Variants in PCDHA1 observed in about 807,000 individuals in gnomAD.
PCDHA1 encodes protocadherin alpha-1.
Under a neutral mutation model 61.3 loss-of-function variants are expected in PCDHA1, and 42 were observed. The observed-to-expected ratio is 0.69, with a 90% confidence interval of 0.54 to 0.89. The LOEUF is 0.89. Among genes scored for constraint, PCDHA1 ranks in the 40% least tolerant of loss-of-function variants. The pLI is 0.00. For missense variants in PCDHA1, 1,256 were observed against 1,235.3 expected, an observed-to-expected ratio of 1.02 and a Z score of -0.25; for synonymous variants, 610 against 553.8, an observed-to-expected ratio of 1.10 and a Z score of -1.43.
At chr5:140,857,325 C>G (rs200630375) in intron 1 of PCDHA1, 2 of 1,598,630 alleles carry the variant, frequency 1.3e-6, no homozygotes, top group African/African-American at 1.3e-5. Flanking sequence ...GTGGTGACCG[C>G]GCGGGACGGG....
chr5:140,836,312 G>A, intron 1 of PCDHA1: 1 of 1,613,712 alleles, frequency 6.2e-7, no homozygotes, highest in Non-Finnish European at 8.5e-7. Flanking sequence ...CGGACGCACC[G>A]CGCCACCGCC....
At chr5:140,870,860 C>A (rs782404408) in intron 1 of PCDHA1, 6 of 1,613,882 alleles carry the variant, frequency 3.7e-6, no homozygotes, top group Non-Finnish European at 2.5e-6. Context: ...TCGGTGGGTG[C>A]GGGCCACGTG....
chr5:140,826,616 G>C (rs2150144460), intron 1 of PCDHA1, among the ~76,000 whole-genome samples: 4 of 152,230 alleles, frequency 2.6e-5, no homozygotes, highest in Non-Finnish European at 5.9e-5. Flanking sequence ...GGGCGAAGTT[G>C]ATATTTGGCC....
intron 1 of PCDHA1, chr5:140,829,316 C>T (rs2150165789): frequency 2.5e-6 from 4 of 1,614,262 alleles, no homozygotes; most frequent in Admixed American, 3.3e-5. Flanking sequence ...CTCGTTGGTG[C>T]TGGACAGTGC....
chr5:140,921,631 T>C (rs1435281144), intron 1 of PCDHA1, among the ~76,000 whole-genome samples: 2 of 152,206 alleles, frequency 1.3e-5, no homozygotes, highest in Non-Finnish European at 2.9e-5. Flanking sequence ...ATCATCATTA[T>C]GGTAGCTATT....
At chr5:140,908,165 G>T (rs1422050863) in intron 1 of PCDHA1, among the ~76,000 whole-genome samples, 1 of 152,222 alleles carries the variant, frequency 6.6e-6, no homozygotes, top group African/African-American at 2.4e-5. Context: ...GGGCTGTAGT[G>T]CTGCAGCTGT....
chr5:140,856,155 A>G (rs533990024), intron 1 of PCDHA1: 1 of 1,598,294 alleles, frequency 6.3e-7, no homozygotes, highest in African/African-American at 1.3e-5. Context: ...TCAGTCTACG[A>G]GGAGGCCAGA....
At chr5:140,820,121 A>G (rs937640428) in intron 1 of PCDHA1, among the ~76,000 whole-genome samples, 3 of 151,966 alleles carry the variant, frequency 2.0e-5, no homozygotes, top group African/African-American at 7.2e-5. Flanking sequence ...GTTTTTAACC[A>G]TTGTGTATTA....
At chr5:140,924,901 A>AATAAAATAAAAT (rs145282866) in intron 1 of PCDHA1, among the ~76,000 whole-genome samples, 7 of 80,504 alleles carry the variant, frequency 8.7e-5, no homozygotes, top group Middle Eastern at 6.1e-3. Context: ...TCTCAAAAAA[A>AATAAAATAAAAT]AAAATAAAAT....
intron 1 of PCDHA1, among the ~76,000 whole-genome samples, chr5:140,916,315 A>C (rs1554197391): frequency 3.9e-5 from 6 of 152,204 alleles, no homozygotes; most frequent in Non-Finnish European, 8.8e-5. Context: ...GGTGCAAGAC[A>C]AAGTCCCCTT....
chr5:140,961,192 A>G (rs1322057564), intron 1 of PCDHA1, among the ~76,000 whole-genome samples: 1 of 152,170 alleles, frequency 6.6e-6, no homozygotes, highest in African/African-American at 2.4e-5. Flanking sequence ...ACAGGACCCT[A>G]GTGAGGTTGG....
chr5:140,850,469 G>A lies in PCDHA1; in HGVS notation c.2394+61785G>A, dbSNP rs2150485500. 6.3e-6 allele frequency: 10 copies of A among 1,597,768 alleles called. 2 individuals carry two copies. The highest frequency in any genetic ancestry group is 8.6e-6 in the Non-Finnish European group (10 of 1,167,634). On this transcript the variant is annotated intron_variant, in intron 1 of 3. Transcript: ENST00000504120. Reference sequence around the variant, plus strand: ...TGGTGAAAGACCACGGGGAGCCAGCGCTGACGGCCACGGCCACTGTGCTGG... The same window carrying A: ...TGGTGAAAGACCACGGGGAGCCAGCACTGACGGCCACGGCCACTGTGCTGG...
At chr5:140,790,502 ATGTTCT>A (rs1761588051) in intron 1 of PCDHA1, among the ~76,000 whole-genome samples, 1 of 152,222 alleles carries the variant, frequency 6.6e-6, no homozygotes, top group Non-Finnish European at 1.5e-5. Context: ...GGCTGTAAAC[ATGTTCT>A]GTAACTTTTA....
Position 140,787,922 on chromosome 5 carries a change from T to C in PCDHA1, c.1632T>C (p.Pro544=), listed in dbSNP as rs986658895. The change falls in exon 1 of 4, where the codon CCT becomes CCC. Residue 544 remains proline (P), a synonymous_variant. Transcript: ENST00000504120. ...QVSARDAGVP[P]LGSNVTLQVF... is the part of the protein sequence containing the mutation. ...GCGCGCGGGATGCGGGCGTGCCGCCTCTGGGCAGCAACGTGACGCTGCAGG... is the reference window on the plus strand; with the variant it reads ...GCGCGCGGGATGCGGGCGTGCCGCCCCTGGGCAGCAACGTGACGCTGCAGG... 19 of 1,613,572 alleles carry C rather than the reference T, an allele frequency of 1.2e-5. No homozygotes were observed. Among genetic ancestry groups the C allele is most frequent in the Non-Finnish European group, 1.6e-5 (19 of 1,179,846 alleles).
At chr5:140,865,948 A>T (rs1324483727) in intron 1 of PCDHA1, 1 of 152,186 alleles carries the variant, frequency 6.6e-6, no homozygotes, top group African/African-American at 2.4e-5. Flanking sequence ...GATTGTCTTC[A>T]TCATTAATTT....
chr5:140,922,883 T>G (rs963654982), intron 1 of PCDHA1, among the ~76,000 whole-genome samples: 2 of 152,134 alleles, frequency 1.3e-5, no homozygotes, highest in African/African-American at 2.4e-5. Flanking sequence ...TCCAAAGACA[T>G]CATTCAAGAA....
intron 1 of PCDHA1, among the ~76,000 whole-genome samples, chr5:140,871,977 C>T (rs533366368): frequency 6.6e-6 from 1 of 152,288 alleles, no homozygotes; most frequent in East Asian, 1.9e-4. Flanking sequence ...CTATGATGTC[C>T]AGGTTGGACT....
intron 1 of PCDHA1, chr5:140,876,694 G>A (rs1196941664): frequency 6.2e-7 from 1 of 1,614,142 alleles, no homozygotes; most frequent in African/African-American, 1.3e-5. Flanking sequence ...CTACTCGTTG[G>A]TGCTGGACAG....
At chr5:140,883,410 C>T in intron 1 of PCDHA1, 2 of 1,614,180 alleles carry the variant, frequency 1.2e-6, no homozygotes, top group Non-Finnish European at 1.7e-6. Flanking sequence ...GACTCTGGCT[C>T]AAATGGACAG....
Sources: gnomAD v4.1 joint callset for allele counts (sites outside exome capture counted in the v4.1 genomes callset) on GRCh38, gnomAD v4.1.1 for gene constraint, MANE v1.5 for transcripts, NCBI Gene and HGNC (gene_info 2026-07-23, HGNC 2026-07-21) for gene names.